TRAK1: variants seen among roughly 807,000 people sequenced by gnomAD.
The protein encoded by TRAK1 is trafficking kinesin-binding protein 1.
Under a neutral mutation model 92.1 loss-of-function variants are expected in TRAK1, and 33 were observed. The ratio of observed to expected loss-of-function variants is 0.36; its 90% CI spans 0.27 to 0.48. The LOEUF is 0.48. TRAK1 is among the 20% of genes least tolerant of loss of function. TRAK1 has a pLI of 0.99. For missense variants in TRAK1, 1,123 were observed against 1,257.9 expected (o/e 0.89, Z 1.62); for synonymous variants, 521 against 517.3 (o/e 1.01, Z -0.10).
chr3:42,106,192 C>A (rs1260573148), intron 1 of TRAK1, among the ~76,000 whole-genome samples: 2 of 151,816 alleles, frequency 1.3e-5, no homozygotes, highest in African/African-American at 4.8e-5. Flanking sequence ...ATGTAAATGG[C>A]CTAAATGCCC....
chr3:42,145,302 T>C (rs1467810194), intron 2 of TRAK1, among the ~76,000 whole-genome samples: 1 of 152,126 alleles, frequency 6.6e-6, no homozygotes, highest in Non-Finnish European at 1.5e-5. Context: ...CTGGCCAACA[T>C]GGTGAGACCC....
intron 1 of TRAK1, among the ~76,000 whole-genome samples, chr3:42,114,076 A>T (rs1349329359): frequency 6.6e-6 from 1 of 152,166 alleles, no homozygotes; most frequent in Non-Finnish European, 1.5e-5. Context: ...GAATGGAATC[A>T]TTCAATATGT....
At chr3:42,110,747 T>A (rs549433662) in intron 1 of TRAK1, among the ~76,000 whole-genome samples, 1 of 152,248 alleles carries the variant, frequency 6.6e-6, no homozygotes, top group Middle Eastern at 3.4e-3. Context: ...GAGAAAGGCA[T>A]CATTTTGGCA....
chr3:42,126,241 G>A (rs997885721), intron 2 of TRAK1, among the ~76,000 whole-genome samples: 6 of 151,956 alleles, frequency 3.9e-5, no homozygotes, highest in Admixed American at 1.3e-4. Flanking sequence ...CTGGGAAGGT[G>A]TTTGTCTAAA....
intron 1 of TRAK1, among the ~76,000 whole-genome samples, chr3:42,053,415 A>G (rs1703069194): frequency 6.8e-6 from 1 of 147,698 alleles, no homozygotes; most frequent in Non-Finnish European, 1.5e-5. Context: ...GGAGGGTAAA[A>G]GAGGACCCTT....
intron 2 of TRAK1, among the ~76,000 whole-genome samples, chr3:42,134,817 G>C (rs987458109): frequency 6.6e-6 from 1 of 151,590 alleles, no homozygotes; most frequent in Non-Finnish European, 1.5e-5. Context: ...CTGACCTCGT[G>C]ATCCACCCAC....
chr3:42,079,562 C>A (rs1704333817), intron 1 of TRAK1, among the ~76,000 whole-genome samples: 1 of 148,460 alleles, frequency 6.7e-6, no homozygotes, highest in Admixed American at 6.9e-5. Context: ...CTTACTGCAA[C>A]CTCTGCCTTC....
At chr3:42,177,591 G>C (rs2149365483) in intron 3 of TRAK1, among the ~76,000 whole-genome samples, 1 of 152,274 alleles carries the variant, frequency 6.6e-6, no homozygotes, top group Middle Eastern at 3.4e-3. Flanking sequence ...CTAGACCCTT[G>C]CTTCTGATCT....
chr3:42,188,917 T>G, intron 5 of TRAK1, 99 bp from the exon 6 acceptor site: 1 of 829,976 alleles, frequency 1.2e-6, no homozygotes, highest in Non-Finnish European at 2.0e-6. Flanking sequence ...TGGTGGGTCA[T>G]TGTCCTTCCT....
intron 1 of TRAK1, among the ~76,000 whole-genome samples, chr3:42,061,506 A>G (rs1383966687): frequency 1.3e-5 from 2 of 152,126 alleles, no homozygotes; most frequent in East Asian, 3.9e-4. Flanking sequence ...GTTCCAAAGC[A>G]GGAGATACGG....
intron 2 of TRAK1, among the ~76,000 whole-genome samples, chr3:42,159,940 A>T (rs550524961): frequency 1.3e-5 from 2 of 152,200 alleles, no homozygotes; most frequent in Non-Finnish European, 1.5e-5. Context: ...ATGTTGCCCC[A>T]TGCAGTTGCT....
intron 1 of TRAK1, among the ~76,000 whole-genome samples, chr3:42,077,043 A>G (rs1436862795): frequency 1.3e-5 from 2 of 152,204 alleles, no homozygotes; most frequent in African/African-American, 4.8e-5. Context: ...GCCTTGTAGT[A>G]TAGTTTGAAA....
intron 2 of TRAK1, among the ~76,000 whole-genome samples, chr3:42,131,838 A>G (rs1432185702): frequency 6.6e-6 from 1 of 151,866 alleles, no homozygotes; most frequent in Non-Finnish European, 1.5e-5. Context: ...CAGGCAGATC[A>G]TATGAGCCCA....
chr3:42,086,768 T>C (rs190245280), upstream of TRAK1, among the ~76,000 whole-genome samples: 228 of 152,286 alleles, frequency 1.5e-3, no homozygotes, highest in Non-Finnish European at 3.8e-4. Context: ...CAAATAAAAA[T>C]GTTACCTCTC....
Position 42,201,017 on chromosome 3 carries a change from A to G in TRAK1, c.1390A>G (p.Asn464Asp). The G allele has an allele frequency of 6.2e-7, 1 of 1,614,184 alleles. No homozygotes were observed. The highest frequency in any genetic ancestry group is 8.5e-7 in the Non-Finnish European group (1 of 1,180,026). The change falls in exon 12 of 16, where the codon AAC (asparagine) becomes GAC (aspartate). Residue 464 changes from asparagine (N) to aspartate (D), a missense_variant. By Grantham distance (23) the Asn-to-Asp change is conservative. Transcript: ENST00000327628. Reference sequence around the variant, plus strand: ...CAACGTCGTCCTCGACAACAAGACCAACAGCATCATTCTGGAAACAGAGGC... The same window carrying G: ...CAACGTCGTCCTCGACAACAAGACCGACAGCATCATTCTGGAAACAGAGGC... The part of the protein sequence containing the change: ...IGNVVLDNKT[N>D]SIILETEAAD...
intron 14 of TRAK1, among the ~76,000 whole-genome samples, chr3:42,215,501 G>GT (rs1709578269): frequency 2.6e-5 from 4 of 151,100 alleles, no homozygotes; most frequent in African/African-American, 9.7e-5. Context: ...CCACTGTTGG[G>GT]GTGTGTGTGT....
Position 42,193,870 on chromosome 3 carries a change from A to C in TRAK1, c.947A>C (p.Lys316Thr), listed in dbSNP as rs981730208. The change falls in exon 9 of 16, where the codon AAG (lysine) becomes ACG (threonine). Residue 316 changes from lysine to threonine, a missense_variant. Around this residue, in one of 3 missense-constraint regions of TRAK1, gnomAD observed 686 missense variants for 747.6 expected, o/e 0.92. Coordinates refer to ENST00000327628, the MANE Select transcript of TRAK1 (RefSeq NM_001042646.3). The part of the protein sequence containing the change: ...EELVQHLGAA[K>T]DAQRQLTAEL... ...CTTGTCCAGCATCTGGGGGCTGCTAAGGATGCCCAGCGGCAGCTCACAGCC... is the reference window on the plus strand; with the variant it reads ...CTTGTCCAGCATCTGGGGGCTGCTACGGATGCCCAGCGGCAGCTCACAGCC... 4.3e-6 allele frequency: 7 copies of C among 1,614,104 alleles called. No homozygotes were observed. The highest frequency in any genetic ancestry group is 1.7e-5 in the Admixed American group (1 of 60,004).
At chr3:42,197,326 T>A (rs1215591548) in intron 10 of TRAK1, among the ~76,000 whole-genome samples, 1 of 152,222 alleles carries the variant, frequency 6.6e-6, no homozygotes, top group Non-Finnish European at 1.5e-5. Flanking sequence ...GCTTATAACC[T>A]ATGCATGCCC....
At chr3:42,060,051 G>GT (rs1156384961) in intron 1 of TRAK1, among the ~76,000 whole-genome samples, 4 of 151,852 alleles carry the variant, frequency 2.6e-5, no homozygotes, top group African/African-American at 9.7e-5. Flanking sequence ...AAAACATTCT[G>GT]TTTTTTTCCC....
Sources: allele counts gnomAD v4.1 joint callset (sites outside exome capture counted in the v4.1 genomes callset), GRCh38; gene constraint gnomAD v4.1.1; regional missense constraint gnomAD v4.1.1; transcripts MANE v1.5; gene names NCBI Gene and HGNC (gene_info 2026-07-23, HGNC 2026-07-21).